Variants in MPP7 observed in about 807,000 individuals in gnomAD.
MPP7 encodes the protein MAGUK p55 scaffold protein 7, also known as MAGUK p55 subfamily member 7.
Under a neutral mutation model 76.5 loss-of-function variants are expected in MPP7, and 60 were observed. That is an observed-to-expected ratio of 0.78 (90% CI 0.64 to 0.97). The LOEUF (loss-of-function observed/expected upper bound fraction) is 0.97. Ranked by LOEUF, MPP7 falls within the 50% of genes least tolerant of loss-of-function variation. The pLI is 0.00. For synonymous variants in MPP7, 237 were observed against 244.5 expected, an observed-to-expected ratio of 0.97 and a Z score of 0.29; for missense variants, 641 against 694.0, an observed-to-expected ratio of 0.92 and a Z score of 0.86.
intron 3 of MPP7, among the ~76,000 whole-genome samples, chr10:28,159,723 A>G (rs562296952): frequency 1.1e-4 from 17 of 152,312 alleles, no homozygotes; most frequent in African/African-American, 3.6e-4. Flanking sequence ...CTTAGAGGTG[A>G]GATGCAATGT....
chr10:28,065,057 T>C (rs1426554506), intron 13 of MPP7, among the ~76,000 whole-genome samples: 1 of 152,260 alleles, frequency 6.6e-6, no homozygotes, highest in Non-Finnish European at 1.5e-5. Flanking sequence ...TTGTTGCTAT[T>C]TGCTAGTGTG....
chr10:28,203,331 A>T (rs922345121), intron 2 of MPP7: 1 of 152,118 alleles, frequency 6.6e-6, no homozygotes, highest in Non-Finnish European at 1.5e-5. Flanking sequence ...GATGATTCGT[A>T]TATCTATTAT....
At chr10:28,299,461 C>T (rs111248486) in intron 1 of MPP7, among the ~76,000 whole-genome samples, 3,792 of 152,012 alleles carry the variant, frequency 0.025, 163 homozygotes, top group African/African-American at 0.087. Flanking sequence ...GTTCATGGAG[C>T]CCCAAAACAA....
chr10:28,066,751 A>G lies in MPP7; in HGVS notation c.1204+3021T>C, dbSNP rs1852003118. 9.2e-5 allele frequency among the ~76,000 whole-genome samples: 14 copies of G among 152,310 alleles called. No homozygotes were observed. In the South Asian group the frequency reaches 2.9e-3, roughly 32 times the overall value. ...AATGTTGCCTTTATTGCAATTATAA[A>G]AATGAAATCACGCTGCCTCATTCAT... On this transcript the variant is annotated intron_variant, in intron 13 of 16. Coordinates refer to ENST00000683449, the MANE Select transcript of MPP7 (RefSeq NM_001318170.2).
At chr10:28,256,761 T>A (rs947994072) in intron 1 of MPP7, among the ~76,000 whole-genome samples, 4 of 152,242 alleles carry the variant, frequency 2.6e-5, no homozygotes, top group African/African-American at 9.6e-5. Flanking sequence ...ACAGTTCCAC[T>A]GTAAGTCTCA....
intron 2 of MPP7, among the ~76,000 whole-genome samples, chr10:28,226,038 T>C (rs894084566): frequency 4.6e-5 from 7 of 152,180 alleles, no homozygotes; most frequent in African/African-American, 1.4e-4. Flanking sequence ...ATACATACAA[T>C]GGAATATTAT....
At chr10:28,279,233 C>T (rs890845209) in intron 1 of MPP7, among the ~76,000 whole-genome samples, 1 of 152,030 alleles carries the variant, frequency 6.6e-6, no homozygotes, top group Admixed American at 6.6e-5. Context: ...TTCAGAAGGA[C>T]GAAGCTACTA....
At chr10:28,059,264 T>C (rs1009620643) in intron 14 of MPP7, among the ~76,000 whole-genome samples, 6 of 152,128 alleles carry the variant, frequency 3.9e-5, no homozygotes, top group Non-Finnish European at 7.3e-5. Flanking sequence ...AATGAGAGAA[T>C]GAGATGCAGG....
intron 3 of MPP7, among the ~76,000 whole-genome samples, chr10:28,182,682 T>C (rs1837096399): frequency 6.6e-6 from 1 of 152,244 alleles, no homozygotes; most frequent in African/African-American, 2.4e-5. Flanking sequence ...GATGATTTGT[T>C]ATCTAGTCAC....
chr10:28,177,346 T>G (rs1836908048), intron 3 of MPP7, among the ~76,000 whole-genome samples: 1 of 150,170 alleles, frequency 6.7e-6, no homozygotes, highest in Admixed American at 6.6e-5. Flanking sequence ...AGGCAGAGGT[T>G]GTGGTGAGCC....
intron 2 of MPP7, among the ~76,000 whole-genome samples, chr10:28,318,468 T>C (rs1039696623): frequency 2.6e-5 from 4 of 152,152 alleles, no homozygotes; most frequent in South Asian, 4.1e-4. Flanking sequence ...GGTGGATTAC[T>C]TGAAGTCAGG....
chr10:28,167,600 G>A (rs2985515), intron 3 of MPP7, among the ~76,000 whole-genome samples: 93,108 of 151,656 alleles, frequency 0.61, 29,374 homozygotes, highest in Middle Eastern at 0.8. Context: ...AAACCTACAC[G>A]CGTACCTACT....
At chr10:28,120,549 G>T in intron 9 of MPP7, 45 bp downstream of exon 9, 1 of 1,559,482 alleles carries the variant, frequency 6.4e-7, no homozygotes, top group South Asian at 1.1e-5. Flanking sequence ...GGAAAAACAT[G>T]ACTTCCCTCC....
chr10:28,125,188 CA>C, intron 6 of MPP7, 97 bp from the exon 7 acceptor site: 3 of 1,066,068 alleles, frequency 2.8e-6, no homozygotes, highest in Non-Finnish European at 4.2e-6. Context: ...AAAGAGAAAA[CA>C]ACTACAAAAA....
chr10:28,070,193 T>C (rs1056383398), intron 12 of MPP7, among the ~76,000 whole-genome samples: 3 of 151,926 alleles, frequency 2.0e-5, no homozygotes, highest in Non-Finnish European at 2.9e-5. Flanking sequence ...GTCAGGAGAT[T>C]GAGACCATCC....
intron 2 of MPP7, among the ~76,000 whole-genome samples, chr10:28,223,133 CA>C (rs766215567): frequency 7.1e-4 from 90 of 126,794 alleles, no homozygotes; most frequent in Admixed American, 9.6e-4. Flanking sequence ...GCCTCTGTCT[CA>C]AAAAAAAAAA....
chr10:28,131,544 G>T lies in MPP7; in HGVS notation c.447+16C>A. On this transcript the variant is annotated intron_variant, in intron 6 of 16. Transcript: ENST00000683449. ...CCTATCATGGTATCTACTCATATCT[G>T]AGCACCAAAACTCACCAGTGGTTCT... is the stretch of plus-strand genomic sequence containing the variant. The T allele has an allele frequency of 6.4e-7, 1 of 1,568,162 alleles. No homozygotes were observed. Among genetic ancestry groups the T allele is most frequent in the South Asian group, 1.1e-5 (1 of 89,958 alleles).
At chr10:28,246,118 G>A (rs1160012974) in intron 1 of MPP7, among the ~76,000 whole-genome samples, 1 of 152,044 alleles carries the variant, frequency 6.6e-6, no homozygotes, top group Non-Finnish European at 1.5e-5. Flanking sequence ...TTAAGAAACT[G>A]AATTGGATAA....
intron 1 of MPP7, among the ~76,000 whole-genome samples, chr10:28,248,154 G>A (rs900208396): frequency 5.3e-5 from 8 of 152,080 alleles, no homozygotes; most frequent in African/African-American, 1.7e-4. Context: ...TCACAGAGCT[G>A]TGCACAGCCT....
Sources: gnomAD v4.1 joint callset for allele counts (sites outside exome capture counted in the v4.1 genomes callset) on GRCh38, gnomAD v4.1.1 for gene constraint, MANE v1.5 for transcripts, NCBI Gene and HGNC (gene_info 2026-07-23, HGNC 2026-07-21) for gene names.